The following RNF144B variants were observed in gnomAD, a reference collection of about 807,000 sequenced individuals.
RNF144B encodes ring finger protein 144B.
Under a neutral mutation model 40.2 loss-of-function variants are expected in RNF144B, and 25 were observed. The observed-to-expected ratio is 0.62, with a 90% CI of 0.45 to 0.87. The LOEUF (loss-of-function observed/expected upper bound fraction) is 0.87. RNF144B is among the 40% of genes least tolerant of loss of function. The probability of loss-of-function intolerance (pLI) is 0.00; values close to 1 mark genes in which losing one functional copy is unlikely to be tolerated. For synonymous variants in RNF144B, 145 were observed against 136.3 expected (o/e 1.06, Z -0.44); for missense variants, 365 against 373.7 (o/e 0.98, Z 0.19).
At chr6:18,454,532 A>G (rs898883988) in intron 4 of RNF144B, among the ~76,000 whole-genome samples, 1 of 152,200 alleles carries the variant, frequency 6.6e-6, no homozygotes, top group Non-Finnish European at 1.5e-5. Context: ...AGAAAGCTGT[A>G]AAGTTTTCCT....
chr6:18,427,698 A>G lies in RNF144B; in HGVS notation c.270+13A>G, dbSNP rs745486826. ...GCAGGAAGCTGAGGTATGAATGACT[A>G]CCATCATCTTCCCCTCTTTCCTATT... is the stretch of plus-strand genomic sequence containing the variant. On this transcript the variant is annotated intron_variant, in intron 3 of 7. Coordinates refer to ENST00000259939, the MANE Select transcript of RNF144B (RefSeq NM_182757.4). The G allele has an allele frequency of 2.1e-6, 3 of 1,450,432 alleles. No individual in the cohort carries two copies. The highest frequency in any genetic ancestry group is 2.9e-6 in the Non-Finnish European group (3 of 1,031,540). The allele number at this position is 1,450,432 out of a possible 1,614,324, so 89.8% of individuals were successfully genotyped here. A position where few individuals can be genotyped will look rare whatever the true frequency, so the allele number is the denominator to read the frequency against.
intron 3 of RNF144B, among the ~76,000 whole-genome samples, chr6:18,429,264 T>G (rs1444354565): frequency 6.6e-6 from 1 of 152,006 alleles, no homozygotes; most frequent in Non-Finnish European, 1.5e-5. Flanking sequence ...AAGGACTTAA[T>G]AATTGGAAGC....
At chr6:18,408,521 A>T (rs908176095) in intron 2 of RNF144B, among the ~76,000 whole-genome samples, 18 of 152,238 alleles carry the variant, frequency 1.2e-4, no homozygotes, top group Admixed American at 3.9e-4. Flanking sequence ...ACATGACTGT[A>T]GTGGAAACTG....
At position 18,442,310 on chromosome 6, in the gene RNF144B, C is replaced by T. The variant is rs1366120499; in HGVS notation, c.331+2566C>T. On this transcript the variant is annotated intron_variant, in intron 4 of 7. Coordinates refer to ENST00000259939, the MANE Select transcript of RNF144B (RefSeq NM_182757.4). The surrounding 1 kb of genome is among the most constrained non-coding windows in gnomAD (Gnocchi z 4.3). ...TGGTGATGCATATTTCTACTTTGCTCTGTTACAAATTGATGAAATAGTTTT... is the reference window on the plus strand; with the variant it reads ...TGGTGATGCATATTTCTACTTTGCTTTGTTACAAATTGATGAAATAGTTTT... Among the ~76,000 whole-genome samples the T allele has an allele frequency of 2.0e-5, 3 of 152,196 alleles. No individual in the cohort carries two copies. The highest frequency in any genetic ancestry group is 7.2e-5 in the African/African-American group (3 of 41,448).
rs772237024 is a variant in RNF144B, at chr6:18,439,742, G to A, written c.329G>A (p.Arg110Lys). 2 of 1,604,014 alleles carry A rather than the reference G, an allele frequency of 1.2e-6. No individual in the cohort carries two copies. Among genetic ancestry groups the A allele is most frequent in the African/African-American group, 1.3e-5 (1 of 74,840 alleles). Reference protein sequence around the residue: ...FQLYQRLKFEREVHLDPYRTW... With the variant: ...FQLYQRLKFEKEVHLDPYRTW... ...CTTTATCAGAGGTTAAAATTTGAAA[G>A]AGGTATGAACTCTTCTTTTTTTCCT... The change falls in exon 4 of 8, where the codon AGA becomes AAA. Residue 110 changes from arginine (R) to lysine (K), a missense_variant and splice_region_variant. Physicochemically the swap from Arg to Lys is conservative, Grantham distance 26 (BLOSUM62 2). Transcript: ENST00000259939.
chr6:18,426,869 T>A (rs1197342367), intron 2 of RNF144B, among the ~76,000 whole-genome samples: 2 of 151,960 alleles, frequency 1.3e-5, no homozygotes, highest in Non-Finnish European at 1.5e-5. Flanking sequence ...TCTCTGGGTT[T>A]ATTTTTTTCT....
intron 4 of RNF144B, among the ~76,000 whole-genome samples, chr6:18,452,845 C>A (rs1001386829): frequency 6.6e-6 from 1 of 152,064 alleles, no homozygotes; most frequent in African/African-American, 2.4e-5. Flanking sequence ...AGTGCAGTGG[C>A]ATGATCTCAG....
chr6:18,429,838 C>T (rs929709707), intron 3 of RNF144B, among the ~76,000 whole-genome samples: 1 of 152,116 alleles, frequency 6.6e-6, no homozygotes, highest in Non-Finnish European at 1.5e-5. Context: ...ACAGTGTGTG[C>T]CTGGCCCCAT....
chr6:18,397,697 A>G (rs1335829870), intron 1 of RNF144B, among the ~76,000 whole-genome samples: 2 of 152,048 alleles, frequency 1.3e-5, no homozygotes, highest in Non-Finnish European at 2.9e-5. Context: ...AGCTGTAGTC[A>G]TGGACTTCAA....
chr6:18,394,173 T>G (rs1794643649), intron 1 of RNF144B, among the ~76,000 whole-genome samples: 1 of 152,208 alleles, frequency 6.6e-6, no homozygotes, highest in Admixed American at 6.5e-5. Flanking sequence ...TAATTAGGGA[T>G]AAGTGTCCTA....
In RNF144B at chr6:18,464,686, G is replaced by A. The variant is rs138863034; in HGVS notation, c.772-241G>A. Among the ~76,000 whole-genome samples the A allele has an allele frequency of 6.6e-5, 10 of 152,258 alleles. No individual in the cohort carries two copies. Among genetic ancestry groups the A allele is most frequent in the African/African-American group, 2.2e-4 (9 of 41,552 alleles). On this transcript the variant is annotated intron_variant, in intron 7 of 7. Coordinates refer to ENST00000259939, the MANE Select transcript of RNF144B (RefSeq NM_182757.4). The surrounding 1 kb of genome is among the most constrained non-coding windows in gnomAD (Gnocchi z 6.1). ...CATAGAGCCTAGAGAAAGAAAGCAA[G>A]CTCTCTGGCATCTGTTCTTGTAAGA...
In RNF144B at chr6:18,446,787, G is replaced by T. The variant is rs1325491298; in HGVS notation, c.331+7043G>T. The stretch of plus-strand genomic sequence containing the variant: ...CAGCTAGTGGGTAGACGCCAGGGAT[G>T]CTGCTCAACATCTAATGCATCATTC... On this transcript the variant is annotated intron_variant, in intron 4 of 7. Coordinates refer to ENST00000259939, the MANE Select transcript of RNF144B (RefSeq NM_182757.4). The surrounding 1 kb of genome is among the most constrained non-coding windows in gnomAD (Gnocchi z 4.7). 6.6e-6 allele frequency among the ~76,000 whole-genome samples: 1 copy of T among 151,834 alleles called. No individual in the cohort carries two copies. The highest frequency in any genetic ancestry group is 1.5e-5 in the Non-Finnish European group (1 of 67,984).
Position 18,395,662 on chromosome 6 carries a change from G to A in RNF144B, c.-36-3837G>A, listed in dbSNP as rs746512767. 6.6e-6 allele frequency among the ~76,000 whole-genome samples: 1 copy of A among 151,740 alleles called. No homozygotes were observed. Among genetic ancestry groups the A allele is most frequent in the African/African-American group, 2.4e-5 (1 of 41,268 alleles). On this transcript the variant is annotated intron_variant, in intron 1 of 7. Coordinates refer to ENST00000259939, the MANE Select transcript of RNF144B (RefSeq NM_182757.4). This position sits in a 1 kb window ranked among gnomAD's most constrained non-coding sequence, Gnocchi z 4.5. ...GTTGGTTTTGCCCAAAGTGAGAAAC[G>A]AAAGGGTTGGTTTTTAGTCTGTGCA...
rs918907532 is a variant in RNF144B, at chr6:18,446,999, T to C, written c.331+7255T>C. 3.9e-5 allele frequency among the ~76,000 whole-genome samples: 6 copies of C among 152,026 alleles called. No individual in the cohort carries two copies. Among genetic ancestry groups the C allele is most frequent in the Non-Finnish European group, 5.9e-5 (4 of 68,008 alleles). On this transcript the variant is annotated intron_variant, in intron 4 of 7. Coordinates refer to ENST00000259939, the MANE Select transcript of RNF144B (RefSeq NM_182757.4). This position sits in a 1 kb window ranked among gnomAD's most constrained non-coding sequence, Gnocchi z 4.7. ...AAATCCTTTCCCAGCTGATGGGGAA[T>C]ACAGTGATCATCAGGACAAAATCCC...
intron 2 of RNF144B, 100 bp from the exon 3 acceptor site, chr6:18,427,481 G>A: frequency 1.4e-6 from 1 of 703,794 alleles, no homozygotes; most frequent in Non-Finnish European, 2.4e-6. Context: ...AGAGCCTCAG[G>A]ACAGCCAATT....
At position 18,466,029 on chromosome 6, in the gene RNF144B, C is replaced by A. The variant is rs1759565804; in HGVS notation, c.*962C>A. On this transcript the variant is annotated 3_prime_UTR_variant, in exon 8 of 8. Coordinates refer to ENST00000259939, the MANE Select transcript of RNF144B (RefSeq NM_182757.4). ...ATCTAGAATCCATGTGACTTGCAGC[C>A]TACCTGTAATTTCTATCCATTGAGC... The A allele has an allele frequency of 6.6e-6, 1 of 152,156 alleles. No homozygotes were observed. Among genetic ancestry groups the A allele is most frequent in the Non-Finnish European group, 1.5e-5 (1 of 68,034 alleles). The allele number at this position is 152,156 out of a possible 1,614,324, so 9.4% of individuals were successfully genotyped here.
chr6:18,392,035 T>TAAAAA lies in RNF144B; in HGVS notation c.-37+4428_-37+4432dup, dbSNP rs10643409. On this transcript the variant is annotated intron_variant, in intron 1 of 7. Transcript: ENST00000259939. ...TAACATGGTGAAACCCCATCTCTACTAAAAAAAAAAAAAAAAAAAAAAAAA... is the reference window on the plus strand; with the variant it reads ...TAACATGGTGAAACCCCATCTCTACTAAAAAAAAAAAAAAAAAAAAAAAAAAAAAA... 8.4e-4 allele frequency among the ~76,000 whole-genome samples: 60 copies of TAAAAA among 71,080 alleles called. 4 individuals are homozygous for TAAAAA. Among genetic ancestry groups the TAAAAA allele is most frequent in the Non-Finnish European group, 1.5e-3 (56 of 38,110 alleles). The allele number at this position is 71,080 out of a possible 152,430, so 46.6% of individuals were successfully genotyped here.
In RNF144B at chr6:18,425,076, A is replaced by T; in HGVS notation, c.166-2505A>T. Reference sequence around the variant, plus strand: ...GTGTGGGTGTGTGTGTGTGTGTGTTAAAACCTGTGAGGTAACTATAACAGG... The same window carrying T: ...GTGTGGGTGTGTGTGTGTGTGTGTTTAAACCTGTGAGGTAACTATAACAGG... On this transcript the variant is annotated intron_variant, in intron 2 of 7. Transcript: ENST00000259939. This position sits in a 1 kb window ranked among gnomAD's most constrained non-coding sequence, Gnocchi z 4.2. Among the ~76,000 whole-genome samples, 1 of 149,610 alleles carries T rather than the reference A, an allele frequency of 6.7e-6. No homozygotes were observed. Among genetic ancestry groups the T allele is most frequent in the East Asian group, 2.0e-4 (1 of 5,060 alleles).
rs773149199 is a variant in RNF144B, at chr6:18,418,419, C to T, written c.166-9162C>T. ...ATAAATGAAGTACCAATACATGCTA[C>T]AACATGTATGAATCTTGAAAACATT... On this transcript the variant is annotated intron_variant, in intron 2 of 7. Transcript: ENST00000259939. The surrounding 1 kb of genome is among the most constrained non-coding windows in gnomAD (Gnocchi z 5.2). Among the ~76,000 whole-genome samples the T allele has an allele frequency of 4.6e-5, 7 of 152,182 alleles. No individual in the cohort carries two copies. The highest frequency in any genetic ancestry group is 8.8e-5 in the Non-Finnish European group (6 of 68,028).
Sources: allele counts gnomAD v4.1 joint callset (sites outside exome capture counted in the v4.1 genomes callset), GRCh38; gene constraint gnomAD v4.1.1; non-coding constraint Gnocchi (gnomAD v3.1); transcripts MANE v1.5; gene names NCBI Gene and HGNC (gene_info 2026-07-23, HGNC 2026-07-21).